Variants in PHKA2 observed in about 807,000 individuals in gnomAD.
The protein encoded by PHKA2 is phosphorylase b kinase regulatory subunit alpha, liver isoform.
In PHKA2, 31 loss-of-function variants were observed where a neutral mutation model predicts 102.0. That is an observed-to-expected ratio of 0.30 (90% CI 0.23 to 0.41). The LOEUF is 0.41. Ranked by LOEUF, PHKA2 falls within the 10% of genes least tolerant of loss-of-function variation. PHKA2 has a pLI of 1.00. For missense variants in PHKA2, 858 were observed against 1,023.1 expected (o/e 0.84, Z 2.20); for synonymous variants, 455 against 416.2 (o/e 1.09, Z -1.13).
chrX:18,971,385 A>G (rs1005533753), intron 1 of PHKA2, among the ~76,000 whole-genome samples: 6 of 112,422 alleles, frequency 5.3e-5, no homozygotes, highest in African/African-American at 1.9e-4. Flanking sequence ...ATTGTAGAAT[A>G]TGATACTATT....
At chrX:18,918,158 G>A (rs1041739821) in intron 19 of PHKA2, among the ~76,000 whole-genome samples, 5 of 111,632 alleles carry the variant, frequency 4.5e-5, no homozygotes, top group African/African-American at 9.8e-5. Flanking sequence ...CGATACGACT[G>A]AGCTTGTGGA....
chrX:18,983,530 A>AC (rs1308226336), intron 1 of PHKA2, among the ~76,000 whole-genome samples: 5 of 110,841 alleles, frequency 4.5e-5, no homozygotes, highest in African/African-American at 3.3e-5. Flanking sequence ...GTCTGTCCAA[A>AC]CCCCCCACAC....
rs371464094 is a variant in PHKA2, at chrX:18,906,453, G to T, written c.2806+42C>A. On this transcript the variant is annotated intron_variant, in intron 25 of 32. Transcript: ENST00000379942. ...GTGGAGGCCGTGGCCGGGTGGTTGGGGTGGGGTGCGGCGGGAGCTGCAGGA... is the reference window on the plus strand; with the variant it reads ...GTGGAGGCCGTGGCCGGGTGGTTGGTGTGGGGTGCGGCGGGAGCTGCAGGA... The T allele has an allele frequency of 5.0e-5, 60 of 1,207,208 alleles. 1 individual carries two copies. The highest frequency in any genetic ancestry group is 6.4e-5 in the Non-Finnish European group (57 of 892,712).
At chrX:18,983,823 C>G in intron 1 of PHKA2, 32 bp downstream of exon 1, 1 of 1,140,126 alleles carries the variant, frequency 8.8e-7, no homozygotes, top group Non-Finnish European at 1.2e-6. Context: ...GAGGGTAGTT[C>G]CACGCGTTCC....
intron 19 of PHKA2, among the ~76,000 whole-genome samples, chrX:18,912,235 T>G (rs1235671850): frequency 1.8e-5 from 2 of 112,242 alleles, no homozygotes; most frequent in African/African-American, 6.5e-5. Flanking sequence ...AGTCATGCAT[T>G]GTTTAATGAC....
chrX:18,937,038 G>A (rs1303944958), intron 10 of PHKA2, among the ~76,000 whole-genome samples: 3 of 111,590 alleles, frequency 2.7e-5, no homozygotes, highest in African/African-American at 9.8e-5. Context: ...TGAAGCCTAA[G>A]AGAAAGCATC....
At position 18,892,979 on chromosome X, in the gene PHKA2, G is replaced by GAGAC. The variant is rs751166988; in HGVS notation, c.*502_*505dup. The GAGAC allele has an allele frequency of 1.3e-3, 174 of 130,748 alleles. 3 individuals are homozygous for GAGAC. The highest frequency in any genetic ancestry group is 5.2e-3 in the African/African-American group (164 of 31,709). 10.8% of individuals were successfully genotyped at this position (130,748 alleles called of 1,213,427 possible). A position where few individuals can be genotyped will look rare whatever the true frequency, so the allele number is the denominator to read the frequency against. ...CACAAGAAAACCCCCATTCCACAGAGAGACACAAGTGTTCTATTTGGTGAA... is the reference window on the plus strand; with the variant it reads ...CACAAGAAAACCCCCATTCCACAGAGAGACAGACACAAGTGTTCTATTTGGTGAA... On this transcript the variant is annotated 3_prime_UTR_variant, in exon 33 of 33. Coordinates refer to ENST00000379942, the MANE Select transcript of PHKA2 (RefSeq NM_000292.3).
At chrX:18,934,953 A>G (rs2048371534) in intron 11 of PHKA2, among the ~76,000 whole-genome samples, 1 of 112,507 alleles carries the variant, frequency 8.9e-6, no homozygotes, top group Admixed American at 9.4e-5. Context: ...AGACACTTTA[A>G]AAGGCCCTGC....
At chrX:18,948,655 CCAAA>C in intron 5 of PHKA2, 85 bp downstream of exon 5, 2 of 622,115 alleles carry the variant, frequency 3.2e-6, no homozygotes, top group Non-Finnish European at 5.4e-6. Context: ...TTGGTGAGCC[CCAAA>C]CAGCCTGGCC....
rs1464695603 is a variant in PHKA2 at position 18,923,982 on chromosome X, TG to T, written c.1793+73del. 3 of 704,241 alleles carry T rather than the reference TG, an allele frequency of 4.3e-6. No individual in the cohort carries two copies. In the African/African-American group the frequency reaches 6.4e-5, roughly 15 times the overall value. 58.0% of individuals were successfully genotyped at this position (704,241 alleles called of 1,213,427 possible). On this transcript the variant is annotated intron_variant, in intron 17 of 32. Transcript: ENST00000379942. ...TAGGTTCAACAATTAATATGAAAAA[TG>T]GGACAAGGGCAGCAAAGGACTTTAA...
chrX:18,895,047 C>T, intron 31 of PHKA2, 91 bp downstream of exon 31: 6 of 880,352 alleles, frequency 6.8e-6, no homozygotes, highest in Non-Finnish European at 1.0e-5. Flanking sequence ...TAGAATGAGC[C>T]CAAAAGGAGC....
intron 1 of PHKA2, among the ~76,000 whole-genome samples, chrX:18,981,125 G>A (rs1375300749): frequency 9.0e-6 from 1 of 111,052 alleles, no homozygotes; most frequent in Admixed American, 9.6e-5. Context: ...CGTTTTTCTA[G>A]AGTAGTTAGG....
chrX:18,978,325 C>T (rs780155143), intron 1 of PHKA2, among the ~76,000 whole-genome samples: 1 of 111,844 alleles, frequency 8.9e-6, no homozygotes, highest in African/African-American at 3.2e-5. Context: ...ATATTTACCA[C>T]ACTTTTTTCT....
intron 1 of PHKA2, among the ~76,000 whole-genome samples, chrX:18,981,391 CT>C (rs918426476): frequency 7.2e-5 from 8 of 111,457 alleles, no homozygotes; most frequent in Non-Finnish European, 1.3e-4. Context: ...GCTCACACAA[CT>C]TTTTTTTAAT....
intron 19 of PHKA2, among the ~76,000 whole-genome samples, chrX:18,913,687 C>T (rs1170055261): frequency 8.9e-6 from 1 of 112,484 alleles, no homozygotes; most frequent in Non-Finnish European, 1.9e-5. Context: ...TGAGCCACCA[C>T]AGCCGGCCCA....
At chrX:18,894,649 G>A (rs2047500370) in intron 31 of PHKA2, 1 of 438,470 alleles carries the variant, frequency 2.3e-6, no homozygotes, top group Admixed American at 3.8e-5. Flanking sequence ...ATCGACTACA[G>A]CTTCCAGGGA....
In PHKA2 at chrX:18,936,145, T is replaced by A; in HGVS notation, c.1047A>T (p.Gln349His). ...TTCCCTCCAGGGCCTCTCGGTATTC[T>A]TGGACCTGGAAAACAGCCCCATCAT... Reference protein sequence around the residue: ...GVFSGDAVQVQEYREALEGIL... With the variant: ...GVFSGDAVQVHEYREALEGIL... The change falls in exon 11 of 33, where the codon CAA becomes CAT. Residue 349 changes from glutamine (Q) to histidine (H), a missense_variant. Around this residue, in one of 2 missense-constraint regions of PHKA2, gnomAD observed 671 missense variants for 745.2 expected, o/e 0.90. Coordinates refer to ENST00000379942, the MANE Select transcript of PHKA2 (RefSeq NM_000292.3). The A allele has an allele frequency of 8.4e-7, 1 of 1,186,078 alleles. No individual in the cohort carries two copies. The highest frequency in any genetic ancestry group is 1.1e-6 in the Non-Finnish European group (1 of 873,435).
At position 18,954,415 on chromosome X, in the gene PHKA2, A is replaced by G; in HGVS notation, c.79-3T>C. 1.7e-6 allele frequency: 2 copies of G among 1,209,489 alleles called. No individual in the cohort carries two copies. The highest frequency in any genetic ancestry group is 1.7e-5 in the African/African-American group (1 of 57,724). On this transcript the variant is annotated splice_region_variant and splice_polypyrimidine_tract_variant and intron_variant, in intron 1 of 32. Coordinates refer to ENST00000379942, the MANE Select transcript of PHKA2 (RefSeq NM_000292.3). ...GACAGCAGCCCCGTGACGGGATTCT[A>G]TTAGAGAAGAGACACAAAATGGCTC...
intron 29 of PHKA2, chrX:18,897,686 C>T (rs887732809): frequency 1.2e-5 from 3 of 242,048 alleles, no homozygotes; most frequent in Middle Eastern, 1.3e-3. Context: ...AGGACACACC[C>T]GAGGCCGTCT....
Sources: allele counts gnomAD v4.1 joint callset (sites outside exome capture counted in the v4.1 genomes callset), GRCh38; gene constraint gnomAD v4.1.1; regional missense constraint gnomAD v4.1.1; transcripts MANE v1.5; gene names NCBI Gene and HGNC (gene_info 2026-07-23, HGNC 2026-07-21).